Variants in NAV2 observed in about 807,000 individuals in gnomAD.
NAV2 encodes helicase, APC down-regulated 1.
Under a neutral mutation model 223.2 loss-of-function variants are expected in NAV2, and 54 were observed. That is an observed-to-expected ratio of 0.24 (90% CI 0.19 to 0.30). The LOEUF (loss-of-function observed/expected upper bound fraction) is 0.30, where lower values mean the gene tolerates loss of function less well. NAV2 is among the 10% of genes least tolerant of loss of function. The pLI is 1.00. For missense variants in NAV2, 2,806 were observed against 3,147.5 expected (o/e 0.89, Z 2.60); for synonymous variants, 1,279 against 1,239.3 (o/e 1.03, Z -0.67).
intron 1 of NAV2, among the ~76,000 whole-genome samples, chr11:19,542,091 T>A (rs1483836316): frequency 6.6e-6 from 1 of 152,124 alleles, no homozygotes. Flanking sequence ...CATATGGGAA[T>A]CCCTTCCACC....
At position 19,909,031 on chromosome 11, in the gene NAV2, A is replaced by G. The variant is rs115465320; in HGVS notation, c.931+16437A>G. 7.6e-3 allele frequency among the ~76,000 whole-genome samples: 1,152 copies of G among 152,300 alleles called. 11 individuals are homozygous for G. The highest frequency in any genetic ancestry group is 0.026 in the African/African-American group (1,099 of 41,566). Reference sequence around the variant, plus strand: ...TTTATGGTATGTGAATTATATGTCAATATAGTGGTTTTAAAAATGGCTTTC... The same window carrying G: ...TTTATGGTATGTGAATTATATGTCAGTATAGTGGTTTTAAAAATGGCTTTC... On this transcript the variant is annotated intron_variant, in intron 6 of 37. Coordinates refer to ENST00000349880, the MANE Select transcript of NAV2 (RefSeq NM_145117.5).
At chr11:20,106,554 CA>C (rs34470765) in intron 35 of NAV2, among the ~76,000 whole-genome samples, 82,096 of 94,944 alleles carry the variant, frequency 0.86, 35,592 homozygotes, top group Non-Finnish European at 0.94. Flanking sequence ...AGTGAGACTC[CA>C]AAAAAAAAAA....
chr11:20,110,435 A>G (rs1233037241), intron 36 of NAV2, among the ~76,000 whole-genome samples: 1 of 152,168 alleles, frequency 6.6e-6, no homozygotes, highest in Non-Finnish European at 1.5e-5. Context: ...AGGCACCATT[A>G]GGGGCCCGAC....
chr11:19,722,811 G>A (rs1374293493), intron 1 of NAV2, among the ~76,000 whole-genome samples: 2 of 152,182 alleles, frequency 1.3e-5, no homozygotes, highest in Middle Eastern at 3.2e-3. Flanking sequence ...GTGGCCAAGC[G>A]TAGGAGACAG....
intron 11 of NAV2, among the ~76,000 whole-genome samples, chr11:20,029,081 G>A (rs939035915): frequency 2.0e-5 from 3 of 152,190 alleles, no homozygotes; most frequent in Non-Finnish European, 4.4e-5. Flanking sequence ...TACCTGTTCG[G>A]CAGCTTTTAC....
intron 1 of NAV2, among the ~76,000 whole-genome samples, chr11:19,617,220 A>G (rs1470256134): frequency 6.6e-6 from 1 of 152,178 alleles, no homozygotes; most frequent in Non-Finnish European, 1.5e-5. Context: ...GAAAGGATGT[A>G]TCTTTGAAAA....
At chr11:19,691,908 G>C (rs751035347) in intron 1 of NAV2, among the ~76,000 whole-genome samples, 19 of 152,228 alleles carry the variant, frequency 1.2e-4, no homozygotes, top group Non-Finnish European at 2.8e-4. Context: ...ATGCTTGAAG[G>C]CCTGTGTGTT....
chr11:19,824,741 G>A (rs1171787086), intron 1 of NAV2, among the ~76,000 whole-genome samples: 5 of 152,186 alleles, frequency 3.3e-5, no homozygotes, highest in African/African-American at 1.2e-4. Flanking sequence ...TGGACTTGTG[G>A]TTGATACCTG....
intron 1 of NAV2, among the ~76,000 whole-genome samples, chr11:19,554,138 T>G (rs1176615694): frequency 6.6e-6 from 1 of 152,228 alleles, no homozygotes; most frequent in African/African-American, 2.4e-5. Flanking sequence ...TAATGCTGGG[T>G]TAGAGTCTTC....
intron 1 of NAV2, among the ~76,000 whole-genome samples, chr11:19,795,753 G>A (rs2057836488): frequency 6.6e-6 from 1 of 152,226 alleles, no homozygotes; most frequent in Non-Finnish European, 1.5e-5. Flanking sequence ...ATTGGAAAGT[G>A]TGATGAAGGT....
At chr11:19,511,565 A>T (rs564943725) in intron 1 of NAV2, 2 of 152,344 alleles carry the variant, frequency 1.3e-5, no homozygotes, top group East Asian at 3.9e-4. Context: ...GGGCTAGTGC[A>T]TGAGGACCTC....
intron 1 of NAV2, among the ~76,000 whole-genome samples, chr11:19,648,366 G>C (rs2047875192): frequency 6.6e-6 from 1 of 152,200 alleles, no homozygotes; most frequent in South Asian, 2.1e-4. Context: ...CATCAGCCAT[G>C]ATGGGAATAT....
At chr11:19,750,520 G>C (rs1013313133) in intron 1 of NAV2, among the ~76,000 whole-genome samples, 2 of 152,184 alleles carry the variant, frequency 1.3e-5, no homozygotes, top group Non-Finnish European at 2.9e-5. Flanking sequence ...TTTAATATTA[G>C]TGAGATATGG....
chr11:19,559,544 G>T (rs896067478), intron 1 of NAV2, among the ~76,000 whole-genome samples: 1 of 152,196 alleles, frequency 6.6e-6, no homozygotes, highest in Non-Finnish European at 1.5e-5. Context: ...AACTTCATTT[G>T]TTCAGAATGT....
In NAV2 at chr11:19,385,753, CTTTTTTTT is replaced by C. The variant is rs201669772; in HGVS notation, c.75+34745_75+34752del. ...CTCAACTGCTTTTTCAATATAGCTC[CTTTTTTTT>C]TTTTTTTTTTTTTTTTTTGAGACAG... On this transcript the variant is annotated intron_variant, in intron 1 of 37. Coordinates refer to the NAV2 transcript ENST00000360655. 2.3e-3 allele frequency among the ~76,000 whole-genome samples: 259 copies of C among 112,758 alleles called. 2 individuals are homozygous for C. The highest frequency in any genetic ancestry group is 8.9e-3 in the African/African-American group (235 of 26,434). 74.0% of individuals were successfully genotyped at this position (112,758 alleles called of 152,430 possible). A position where few individuals can be genotyped will look rare whatever the true frequency, so the allele number is the denominator to read the frequency against.
intron 1 of NAV2, among the ~76,000 whole-genome samples, chr11:19,780,763 A>T (rs1025713645): frequency 1.3e-5 from 2 of 152,228 alleles, no homozygotes; most frequent in African/African-American, 4.8e-5. Flanking sequence ...TCATATGATG[A>T]CGGACGAGAT....
At chr11:19,579,958 C>A (rs1021917591) in intron 1 of NAV2, among the ~76,000 whole-genome samples, 11 of 152,162 alleles carry the variant, frequency 7.2e-5, no homozygotes, top group African/African-American at 2.7e-4. Context: ...GCATGGGGAC[C>A]AAACAGTCTT....
intron 3 of NAV2, among the ~76,000 whole-genome samples, chr11:19,843,284 G>A (rs2060605686): frequency 6.6e-6 from 1 of 152,200 alleles, no homozygotes; most frequent in Non-Finnish European, 1.5e-5. Context: ...TGGAGCTGAG[G>A]CACGGATGAA....
intron 36 of NAV2, among the ~76,000 whole-genome samples, chr11:20,112,490 C>T (rs891816053): frequency 2.0e-5 from 3 of 152,232 alleles, no homozygotes; most frequent in East Asian, 1.9e-4. Context: ...GGGCAGCTTC[C>T]CTGACAGAAA....
Sources: gnomAD v4.1 joint callset for allele counts (sites outside exome capture counted in the v4.1 genomes callset) on GRCh38, gnomAD v4.1.1 for gene constraint, MANE v1.5 for transcripts, NCBI Gene and HGNC (gene_info 2026-07-23, HGNC 2026-07-21) for gene names.